The following ZNF736 variants were observed in gnomAD, a reference collection of about 807,000 sequenced individuals.
ZNF736 encodes the protein KRAB-containing zinc-finger repressor protein.
Under a neutral mutation model 11.7 loss-of-function variants are expected in ZNF736, and 6 were observed. The ratio of observed to expected loss-of-function variants is 0.51; its 90% CI spans 0.28 to 1.01. The LOEUF (loss-of-function observed/expected upper bound fraction) is 1.01. ZNF736 is among the 50% of genes least tolerant of loss of function. ZNF736 has a pLI of 0.09. For synonymous variants in ZNF736, 139 were observed against 164.7 expected (o/e 0.84, Z 1.19); for missense variants, 444 against 496.0 (o/e 0.90, Z 1.00).
At chr7:64,330,893 A>AT (rs1156357199) in intron 1 of ZNF736, among the ~76,000 whole-genome samples, 2 of 152,184 alleles carry the variant, frequency 1.3e-5, no homozygotes, top group South Asian at 4.1e-4. Context: ...CTGATGCCAT[A>AT]TTCTACTGTG....
In ZNF736 at chr7:64,356,216, G is replaced by C. The variant is rs1451821901; in HGVS notation, c.*7069G>C. ...GCTGAAAGATAAAGAGCAAGTAAAT[G>C]AATCTATTTCAGTTTTTGTGGGTAA... On this transcript the variant is annotated 3_prime_UTR_variant, in exon 4 of 4. Transcript: ENST00000423484. The C allele has an allele frequency of 1.3e-5, 2 of 152,138 alleles. No individual in the cohort carries two copies. The highest frequency in any genetic ancestry group is 2.9e-5 in the Non-Finnish European group (2 of 68,016). 9.4% of individuals were successfully genotyped at this position (152,138 alleles called of 1,614,324 possible). A position where few individuals can be genotyped will look rare whatever the true frequency, so the allele number is the denominator to read the frequency against.
chr7:64,318,635 G>A (rs1309438306), intron 1 of ZNF736, among the ~76,000 whole-genome samples: 1 of 152,010 alleles, frequency 6.6e-6, no homozygotes, highest in Non-Finnish European at 1.5e-5. Context: ...TATTAAACTA[G>A]TCATGTTTAC....
intron 1 of ZNF736, among the ~76,000 whole-genome samples, chr7:64,319,331 GTGTATATA>G (rs1424126023): frequency 0.016 from 1,218 of 75,484 alleles, 71 homozygotes; most frequent in Middle Eastern, 0.037. Context: ...GTGTGTGTAT[GTGTATATA>G]TATATATATA....
intron 1 of ZNF736, among the ~76,000 whole-genome samples, chr7:64,332,059 T>C (rs1789177046): frequency 6.6e-6 from 1 of 152,068 alleles, no homozygotes; most frequent in African/African-American, 2.4e-5. Context: ...CAGGTGTAAT[T>C]TGTGCAGATA....
intron 1 of ZNF736, among the ~76,000 whole-genome samples, chr7:64,323,227 C>T (rs1166402771): frequency 6.6e-6 from 1 of 152,084 alleles, no homozygotes; most frequent in Non-Finnish European, 1.5e-5. Flanking sequence ...ATATTATGGG[C>T]ACTCATTTGA....
intron 1 of ZNF736, among the ~76,000 whole-genome samples, chr7:64,328,780 G>A (rs1789117770): frequency 6.6e-6 from 1 of 151,974 alleles, no homozygotes; most frequent in Non-Finnish European, 1.5e-5. Flanking sequence ...ACTTCAGGTA[G>A]TCATATTTAA....
chr7:64,335,226 G>T (rs1442444211), intron 1 of ZNF736, among the ~76,000 whole-genome samples: 1 of 151,944 alleles, frequency 6.6e-6, no homozygotes, highest in African/African-American at 2.4e-5. Context: ...GGGTTGATAG[G>T]TGCAGCAATC....
rs1161371172 is a variant in ZNF736, at chr7:64,352,198, C to T, written c.*3051C>T. 1.3e-5 allele frequency: 2 copies of T among 152,276 alleles called. No individual in the cohort carries two copies. The highest frequency in any genetic ancestry group is 2.9e-5 in the Non-Finnish European group (2 of 68,100). 9.4% of individuals were successfully genotyped at this position (152,276 alleles called of 1,614,324 possible). A position where few individuals can be genotyped will look rare whatever the true frequency, so the allele number is the denominator to read the frequency against. On this transcript the variant is annotated 3_prime_UTR_variant, in exon 4 of 4. Transcript: ENST00000423484. The stretch of plus-strand genomic sequence containing the variant: ...GCTGCTGCAGTATGCTGGGTGTCCA[C>T]TACAGTTTCTAGTCACCTCAGATTT...
intron 3 of ZNF736, among the ~76,000 whole-genome samples, chr7:64,344,328 C>T (rs1048547407): frequency 6.6e-6 from 1 of 152,074 alleles, no homozygotes; most frequent in Non-Finnish European, 1.5e-5. Context: ...AAAATGTATA[C>T]TCTTTAATAT....
At chr7:64,346,052 G>A (rs1242839977) in intron 3 of ZNF736, among the ~76,000 whole-genome samples, 1 of 152,006 alleles carries the variant, frequency 6.6e-6, no homozygotes, top group African/African-American at 2.4e-5. Flanking sequence ...AGTGAAAGTG[G>A]GATGTTGATG....
intron 1 of ZNF736, among the ~76,000 whole-genome samples, chr7:64,318,016 G>A (rs1788940811): frequency 6.6e-6 from 1 of 151,720 alleles, no homozygotes; most frequent in South Asian, 2.1e-4. Flanking sequence ...CGAATCTTGG[G>A]CAGAATTTTA....
chr7:64,337,215 T>G (rs1020484336), intron 3 of ZNF736: 11 of 506,020 alleles, frequency 2.2e-5, no homozygotes, highest in African/African-American at 2.0e-4. Flanking sequence ...GTGTGTGTGT[T>G]TTGTTTTGTT....
intron 1 of ZNF736, among the ~76,000 whole-genome samples, chr7:64,333,993 A>G (rs1234517502): frequency 1.3e-5 from 2 of 152,170 alleles, no homozygotes; most frequent in Non-Finnish European, 2.9e-5. Flanking sequence ...AACACCACAC[A>G]TATACAACCA....
At chr7:64,346,188 ATGTCC>A (rs1789407616) in intron 3 of ZNF736, among the ~76,000 whole-genome samples, 1 of 152,188 alleles carries the variant, frequency 6.6e-6, no homozygotes, top group Non-Finnish European at 1.5e-5. Flanking sequence ...TTATAATTGA[ATGTCC>A]TACTTTGTCT....
rs1789526492 is a variant in ZNF736, at chr7:64,354,291, A to G, written c.*5144A>G. 1 of 152,170 alleles carries G rather than the reference A, an allele frequency of 6.6e-6. No individual in the cohort carries two copies. Among genetic ancestry groups the G allele is most frequent in the South Asian group, 2.1e-4 (1 of 4,828 alleles). The allele number at this position is 152,170 out of a possible 1,614,324, so 9.4% of individuals were successfully genotyped here. On this transcript the variant is annotated 3_prime_UTR_variant, in exon 4 of 4. Transcript: ENST00000423484. ...TTAGTTTTGGTTTACATGGATTTAA[A>G]TATATAGATATATCACTGTAAAATA...
At chr7:64,314,524 G>T (rs966199476) in intron 1 of ZNF736, among the ~76,000 whole-genome samples, 19 of 152,090 alleles carry the variant, frequency 1.2e-4, no homozygotes, top group African/African-American at 3.4e-4. Context: ...TGGGCCGTGG[G>T]GTCCCTAGTC....
intron 1 of ZNF736, among the ~76,000 whole-genome samples, chr7:64,335,685 A>G (rs1001973194): frequency 2.6e-5 from 4 of 152,202 alleles, no homozygotes; most frequent in Admixed American, 2.6e-4. Flanking sequence ...ATCGCTTGCT[A>G]TGGAAAATGA....
chr7:64,326,548 GT>G (rs1372972462), intron 1 of ZNF736, among the ~76,000 whole-genome samples: 2 of 151,722 alleles, frequency 1.3e-5, no homozygotes, highest in Non-Finnish European at 2.9e-5. Context: ...CTGAATTTTT[GT>G]TTTTATATTC....
chr7:64,328,257 T>TTTG (rs914893724), intron 1 of ZNF736, among the ~76,000 whole-genome samples: 8 of 151,506 alleles, frequency 5.3e-5, no homozygotes, highest in African/African-American at 1.7e-4. Flanking sequence ...TGTTTTTGTT[T>TTTG]TTTTTTTTAT....
Sources: gnomAD v4.1 joint callset for allele counts (sites outside exome capture counted in the v4.1 genomes callset) on GRCh38, gnomAD v4.1.1 for gene constraint, MANE v1.5 for transcripts, NCBI Gene and HGNC (gene_info 2026-07-23, HGNC 2026-07-21) for gene names.